MAP1A: variants seen among roughly 807,000 people sequenced by gnomAD.
MAP1A encodes the protein microtubule-associated protein 1A.
In MAP1A, 42 loss-of-function variants were observed where a neutral mutation model predicts 185.9. The ratio of observed to expected loss-of-function variants is 0.23; its 90% CI spans 0.18 to 0.29. The LOEUF (loss-of-function observed/expected upper bound fraction) is 0.29, where lower values mean the gene tolerates loss of function less well. Among genes scored for constraint, MAP1A ranks in the 10% least tolerant of loss-of-function variants. The pLI, the probability that MAP1A is intolerant of heterozygous loss-of-function variation, is 1.00. For missense variants in MAP1A, 2,995 were observed against 3,450.4 expected (o/e 0.87, Z 3.31); for synonymous variants, 1,229 against 1,335.9 (o/e 0.92, Z 1.74).
At position 43,523,909 on chromosome 15, in the gene MAP1A, C is replaced by A. The variant is rs750288157; in HGVS notation, c.2436C>A (p.Pro812=). The A allele has an allele frequency of 6.2e-7, 1 of 1,614,196 alleles. No homozygotes were observed. Among genetic ancestry groups the A allele is most frequent in the Non-Finnish European group, 8.5e-7 (1 of 1,180,024 alleles). ...YGTPETELTY[P]TNIVAAPLAE... is the part of the protein sequence containing the mutation. The stretch of plus-strand genomic sequence containing the variant: ...CGCCAGAGACTGAACTCACCTACCC[C>A]ACTAACATAGTGGCTGCCCCTTTGG... Residue 812 remains proline (P), a synonymous_variant, in exon 4 of 6, where the codon CCC becomes CCA. Coordinates refer to ENST00000300231, the MANE Select transcript of MAP1A (RefSeq NM_002373.6).
chr15:43,517,033 C>T (rs186718021), upstream of MAP1A, among the ~76,000 whole-genome samples: 175 of 152,316 alleles, frequency 1.1e-3, 1 homozygote, highest in African/African-American at 4.0e-3. Flanking sequence ...GTGTCCACTC[C>T]GGAATTTCAA....
exon 1 of MAP1A, chr15:43,511,126 G>C: frequency 6.4e-7 from 1 of 1,550,422 alleles, no homozygotes; most frequent in Non-Finnish European, 8.7e-7. Flanking sequence ...CCGCGGTGGC[G>C]GCTGCACGCT....
In MAP1A at chr15:43,529,209, T is replaced by C; in HGVS notation, c.7736T>C (p.Met2579Thr). The C allele has an allele frequency of 7.5e-7, 1 of 1,328,400 alleles. No homozygotes were observed. Among genetic ancestry groups the C allele is most frequent in the Non-Finnish European group, 1.0e-6 (1 of 973,164 alleles). The allele number at this position is 1,328,400 out of a possible 1,614,324, so 82.3% of individuals were successfully genotyped here. The change falls in exon 4 of 6, where the codon ATG becomes ACG. Residue 2579 changes from methionine to threonine, a missense_variant. Physicochemically the swap from Met to Thr is moderately conservative, Grantham distance 81. Around this residue, in one of 3 missense-constraint regions of MAP1A, gnomAD observed 2,728 missense variants for 2,986.0 expected, o/e 0.91. Transcript: ENST00000300231. This position sits in a 1 kb window ranked among gnomAD's most constrained non-coding sequence, Gnocchi z 4.3. ...TCCCCTCCCCGCCCTGATGTGTGCA[T>C]GGCTGACCCCGAGGGGCTCAGCTCA... is the stretch of plus-strand genomic sequence containing the variant. ...RPSPPRPDVCMADPEGLSSES... is the reference protein window; with the variant it reads ...RPSPPRPDVCTADPEGLSSES...
rs749257196 is a variant in MAP1A, at chr15:43,523,575, G to T, written c.2102G>T (p.Gly701Val). 2 of 1,614,174 alleles carry T rather than the reference G, an allele frequency of 1.2e-6. No individual in the cohort carries two copies. Among genetic ancestry groups the T allele is most frequent in the East Asian group, 2.2e-5 (1 of 44,876 alleles). Residue 701 changes from glycine to valine, a missense_variant, in exon 4 of 6, where the codon GGT (glycine) becomes GTT (valine). Physicochemically the swap from Gly to Val is moderately radical, Grantham distance 109. Transcript: ENST00000300231. The stretch of plus-strand genomic sequence containing the variant: ...CCAAGGAGCCGGGAGGCTTTTGGGG[G>T]TCGGGAATTGGGACTCCAGGGCAAG... Reference protein sequence around the residue: ...VTPRSREAFGGRELGLQGKAP... With the variant: ...VTPRSREAFGVRELGLQGKAP...
chr15:43,524,818 A>G lies in MAP1A; in HGVS notation c.3345A>G (p.Ala1115=). Residue 1115 remains alanine, a synonymous_variant, in exon 4 of 6, where the codon GCA becomes GCG. Transcript: ENST00000300231. ...AGEPTGPILG[A]EALPGGLRTL... ...AGCCCACAGGCCCAATTCTGGGAGC[A>G]GAAGCCCTTCCCGGAGGTTTGAGGA... 6.2e-7 allele frequency: 1 copy of G among 1,614,192 alleles called. No homozygotes were observed. Among genetic ancestry groups the G allele is most frequent in the African/African-American group, 1.3e-5 (1 of 75,038 alleles).
Position 43,529,553 on chromosome 15 carries a change from G to A in MAP1A, c.8035+45G>A, listed in dbSNP as rs2079362671. ...TGGCAGAGAGTGTGGGTTAGGGCTG[G>A]GTGTGGGCTGGTCAGACTTCAGGAG... On this transcript the variant is annotated intron_variant, in intron 4 of 5. Transcript: ENST00000300231. This position sits in a 1 kb window ranked among gnomAD's most constrained non-coding sequence, Gnocchi z 4.3. 6.2e-7 allele frequency: 1 copy of A among 1,603,448 alleles called. No homozygotes were observed.
chr15:43,528,112 G>A lies in MAP1A; in HGVS notation c.6639G>A (p.Arg2213=). 1.9e-6 allele frequency: 3 copies of A among 1,613,982 alleles called. No individual in the cohort carries two copies. The highest frequency in any genetic ancestry group is 2.5e-6 in the Non-Finnish European group (3 of 1,179,986). The change falls in exon 4 of 6, where the codon CGG becomes CGA. Residue 2213 remains arginine (R), a synonymous_variant. Transcript: ENST00000300231. ...ALAPGPPTRT[R]HDEYLEVTKA... Reference sequence around the variant, plus strand: ...CTCCAGGACCCCCCACCAGAACCCGGCATGATGAATACCTGGAAGTGACCA... The same window carrying A: ...CTCCAGGACCCCCCACCAGAACCCGACATGATGAATACCTGGAAGTGACCA...
In MAP1A at chr15:43,526,217, G is replaced by A; in HGVS notation, c.4744G>A (p.Glu1582Lys). 6 of 1,613,946 alleles carry A rather than the reference G, an allele frequency of 3.7e-6. No homozygotes were observed. Among genetic ancestry groups the A allele is most frequent in the Non-Finnish European group, 5.1e-6 (6 of 1,179,976 alleles). The change falls in exon 4 of 6, where the codon GAG becomes AAG. Residue 1582 changes from glutamate to lysine, a missense_variant. Transcript: ENST00000300231. This position sits in a 1 kb window ranked among gnomAD's most constrained non-coding sequence, Gnocchi z 4.7. ...LEENHQTQEQ[E>K]SLVQEDKTRK... ...AGAGAACCACCAAACTCAGGAGCAGGAGAGCCTAGTGCAGGAGGATAAAAC... is the reference window on the plus strand; with the variant it reads ...AGAGAACCACCAAACTCAGGAGCAGAAGAGCCTAGTGCAGGAGGATAAAAC...
At position 43,522,677 on chromosome 15, in the gene MAP1A, A is replaced by G. The variant is rs2079324119; in HGVS notation, c.1204A>G (p.Lys402Glu). ...AAAGCTGATCAAAGACAAGGTAGGG[A>G]AAAAGCACCTTAAAGAAAAGATATC... ...KRKLIKDKVGKKHLKEKISKL... is the reference protein window; with the variant it reads ...KRKLIKDKVGEKHLKEKISKL... Residue 402 changes from lysine to glutamate, a missense_variant, in exon 4 of 6, where the codon AAA becomes GAA. By Grantham distance (56) the Lys-to-Glu change is moderately conservative (BLOSUM62 1). This residue lies in a region of MAP1A where 2,728 missense variants were observed against 2,986.0 expected (regional missense o/e 0.91). Transcript: ENST00000300231. This position sits in a 1 kb window ranked among gnomAD's most constrained non-coding sequence, Gnocchi z 5.9. 3 of 1,610,798 alleles carry G rather than the reference A, an allele frequency of 1.9e-6. No homozygotes were observed. Among genetic ancestry groups the G allele is most frequent in the Non-Finnish European group, 2.5e-6 (3 of 1,178,276 alleles).
intron 1 of MAP1A, among the ~76,000 whole-genome samples, chr15:43,511,833 C>G (rs2079280607): frequency 6.6e-6 from 1 of 152,232 alleles, no homozygotes. Context: ...TCCTACTTAG[C>G]TGTAAATGTG....
In MAP1A at chr15:43,527,269, A is replaced by G. The variant is rs1303426352; in HGVS notation, c.5796A>G (p.Ser1932=). The G allele has an allele frequency of 6.2e-7, 1 of 1,612,304 alleles. No homozygotes were observed. The highest frequency in any genetic ancestry group is 1.7e-5 in the Admixed American group (1 of 60,016). ...AEAPDKSSHS[S]KVPEASKSHA... is the part of the protein sequence containing the mutation. The stretch of plus-strand genomic sequence containing the variant: ...CTCCTGACAAAAGCTCACACAGCTC[A>G]AAGGTACCAGAGGCCAGCAAAAGCC... Residue 1932 remains serine (S), a synonymous_variant, in exon 4 of 6, where the codon TCA becomes TCG. Coordinates refer to ENST00000300231, the MANE Select transcript of MAP1A (RefSeq NM_002373.6).
In MAP1A at chr15:43,525,497, T is replaced by C; in HGVS notation, c.4024T>C (p.Trp1342Arg). 1 of 1,614,094 alleles carries C rather than the reference T, an allele frequency of 6.2e-7. No individual in the cohort carries two copies. Among genetic ancestry groups the C allele is most frequent in the Non-Finnish European group, 8.5e-7 (1 of 1,180,022 alleles). Reference sequence around the variant, plus strand: ...TGCCTTGGAGGACATTGCCATAAAGTGGGAAGATAAAGTTCCAGGGTTGAA... The same window carrying C: ...TGCCTTGGAGGACATTGCCATAAAGCGGGAAGATAAAGTTCCAGGGTTGAA... ...GPALEDIAIK[W>R]EDKVPGLKDR... Residue 1342 changes from tryptophan to arginine, a missense_variant, in exon 4 of 6, where the codon TGG (tryptophan) becomes CGG (arginine). Around this residue, in one of 3 missense-constraint regions of MAP1A, gnomAD observed 2,728 missense variants for 2,986.0 expected, o/e 0.91. Coordinates refer to ENST00000300231, the MANE Select transcript of MAP1A (RefSeq NM_002373.6).
At chr15:43,514,716 A>C (rs1355744411), upstream of MAP1A, among the ~76,000 whole-genome samples, 1 of 152,170 alleles carries the variant, frequency 6.6e-6, no homozygotes, top group Non-Finnish European at 1.5e-5. Context: ...AAGCTTTCAA[A>C]GGTGATTTTT....
At chr15:43,519,127 G>C (rs1360448250) in intron 1 of MAP1A, among the ~76,000 whole-genome samples, 3 of 152,106 alleles carry the variant, frequency 2.0e-5, no homozygotes, top group Admixed American at 6.5e-5. Context: ...AAATCTGAAC[G>C]ACTTAAGGCT....
Position 43,526,770 on chromosome 15 carries a change from G to A in MAP1A, c.5297G>A (p.Gly1766Glu). The A allele has an allele frequency of 1.2e-6, 2 of 1,614,122 alleles. No individual in the cohort carries two copies. Among genetic ancestry groups the A allele is most frequent in the Non-Finnish European group, 1.7e-6 (2 of 1,180,018 alleles). ...TTCCAGGAATCCTCACCACAGAAGGGGCTAGAGGTGGAGCGCTGGCTTGCT... is the reference window on the plus strand; with the variant it reads ...TTCCAGGAATCCTCACCACAGAAGGAGCTAGAGGTGGAGCGCTGGCTTGCT... ...KDFQESSPQK[G>E]LEVERWLAES... The change falls in exon 4 of 6, where the codon GGG (glycine) becomes GAG (glutamate). Residue 1766 changes from glycine to glutamate, a missense_variant. Gly to Glu is a moderately conservative substitution (Grantham distance 98, BLOSUM62 -2). Coordinates refer to ENST00000300231, the MANE Select transcript of MAP1A (RefSeq NM_002373.6). This position sits in a 1 kb window ranked among gnomAD's most constrained non-coding sequence, Gnocchi z 4.7.
In MAP1A at chr15:43,523,228, A is replaced by C. The variant is rs147560465; in HGVS notation, c.1755A>C (p.Gln585His). The C allele has an allele frequency of 6.2e-7, 1 of 1,614,164 alleles. No individual in the cohort carries two copies. Among genetic ancestry groups the C allele is most frequent in the Admixed American group, 1.7e-5 (1 of 60,026 alleles). The change falls in exon 4 of 6, where the codon CAA (glutamine) becomes CAC (histidine). Residue 585 changes from glutamine to histidine, a missense_variant. By Grantham distance (24) the Gln-to-His change is conservative (BLOSUM62 0). Coordinates refer to ENST00000300231, the MANE Select transcript of MAP1A (RefSeq NM_002373.6). ...GTPPSVPGLGQEEHVMKEKEL... is the reference protein window; with the variant it reads ...GTPPSVPGLGHEEHVMKEKEL... ...CACCCTCTGTTCCAGGGCTGGGACA[A>C]GAAGAACATGTGATGAAGGAGAAAG... is the stretch of plus-strand genomic sequence containing the variant.
chr15:43,512,181 C>G lies in MAP1A; in HGVS notation c.239-9C>G, dbSNP rs969755354. On this transcript the variant is annotated splice_polypyrimidine_tract_variant and intron_variant, in intron 1 of 6. Transcript: ENST00000382031. ...CTTATCCAGAACCTTCTTTGTTTTT[C>G]TCCCACAGGGATTCTCTCCTGGAAC... 3.3e-6 allele frequency: 5 copies of G among 1,506,884 alleles called. No individual in the cohort carries two copies. In the African/African-American group the frequency reaches 6.9e-5, roughly 21 times the overall value. The allele number at this position is 1,506,884 out of a possible 1,614,324, so 93.3% of individuals were successfully genotyped here.
rs2079363058 is a variant in MAP1A, at chr15:43,529,626, A to G, written c.8036-24A>G. On this transcript the variant is annotated intron_variant, in intron 4 of 5. Coordinates refer to ENST00000300231, the MANE Select transcript of MAP1A (RefSeq NM_002373.6). The surrounding 1 kb of genome is among the most constrained non-coding windows in gnomAD (Gnocchi z 4.3). Reference sequence around the variant, plus strand: ...AAAAGGGTTCTACTTTTCCTCTACAATGAATCCTGGCTTGTCTCTACAGTG... The same window carrying G: ...AAAAGGGTTCTACTTTTCCTCTACAGTGAATCCTGGCTTGTCTCTACAGTG... 1.9e-6 allele frequency: 3 copies of G among 1,612,494 alleles called. No homozygotes were observed. The highest frequency in any genetic ancestry group is 1.3e-5 in the African/African-American group (1 of 74,996).
rs765614941 is a variant in MAP1A at position 43,521,497 on chromosome 15, C to T, written c.24C>T (p.Ser8=). MDGVAEF[S]EYVSETVDVP... Reference sequence around the variant, plus strand: ...CCATGGACGGCGTGGCTGAGTTCTCCGAGTATGTCTCTGAGACTGTGGACG... The same window carrying T: ...CCATGGACGGCGTGGCTGAGTTCTCTGAGTATGTCTCTGAGACTGTGGACG... Residue 8 remains serine (S), a synonymous_variant, in exon 4 of 6, where the codon TCC becomes TCT. Transcript: ENST00000300231. The surrounding 1 kb of genome is among the most constrained non-coding windows in gnomAD (Gnocchi z 4.6). 4.3e-6 allele frequency: 7 copies of T among 1,614,008 alleles called. No individual in the cohort carries two copies. The highest frequency in any genetic ancestry group is 4.5e-5 in the East Asian group (2 of 44,888).
Sources: allele counts gnomAD v4.1 joint callset (sites outside exome capture counted in the v4.1 genomes callset), GRCh38; gene constraint gnomAD v4.1.1; regional missense constraint gnomAD v4.1.1; non-coding constraint Gnocchi (gnomAD v3.1); transcripts MANE v1.5; gene names NCBI Gene and HGNC (gene_info 2026-07-23, HGNC 2026-07-21).